Variants in CX3CL1 observed in about 807,000 individuals in gnomAD.
CX3CL1 encodes the protein fractalkine.
Under a neutral mutation model 14.1 loss-of-function variants are expected in CX3CL1, and 1 was observed. That is an observed-to-expected ratio of 0.07 (90% CI 0.03 to 0.34). CX3CL1 has a LOEUF of 0.34. Ranked by LOEUF, CX3CL1 falls within the 10% of genes least tolerant of loss-of-function variation. The pLI is 0.99. For synonymous variants in CX3CL1, 255 were observed against 229.6 expected (o/e 1.11, Z -1.00); for missense variants, 505 against 536.4 (o/e 0.94, Z 0.58).
rs770591232 is a variant in CX3CL1 at position 57,379,700 on chromosome 16, C to A, written c.137C>A (p.Ala46Asp). 6.2e-7 allele frequency: 1 copy of A among 1,614,230 alleles called. No individual in the cohort carries two copies. Among genetic ancestry groups the A allele is most frequent in the South Asian group, 1.1e-5 (1 of 91,092 alleles). ...AAGATGACATCAAAGATACCTGTAG[C>A]TTTGCTCATCCACTATCAACAGAAC... Reference protein sequence around the residue: ...CSKMTSKIPVALLIHYQQNQA... With the variant: ...CSKMTSKIPVDLLIHYQQNQA... The change falls in exon 2 of 3, where the codon GCT becomes GAT. Residue 46 changes from alanine (A) to aspartate (D), a missense_variant. Physicochemically the swap from Ala to Asp is moderately radical, Grantham distance 126. Transcript: ENST00000006053.
intron 1 of CX3CL1, among the ~76,000 whole-genome samples, chr16:57,372,905 G>A (rs544619079): frequency 6.6e-6 from 1 of 152,322 alleles, no homozygotes; most frequent in East Asian, 1.9e-4. Context: ...GGTGGTGTGG[G>A]TGGCATAAGG....
At chr16:57,375,481 G>C (rs1186552910) in intron 1 of CX3CL1, among the ~76,000 whole-genome samples, 1 of 152,222 alleles carries the variant, frequency 6.6e-6, no homozygotes, top group Non-Finnish European at 1.5e-5. Flanking sequence ...CCAAAACAAA[G>C]AATTGTCTGG....
rs368015205 is a variant in CX3CL1 at position 57,382,502 on chromosome 16, C to G, written c.664C>G (p.Gln222Glu). 2.0e-5 allele frequency: 33 copies of G among 1,613,138 alleles called. No individual in the cohort carries two copies. The highest frequency in any genetic ancestry group is 2.7e-5 in the Non-Finnish European group (32 of 1,179,828). ...EAKTSEAPST[Q>E]DPSTQASTAS... ...AAAGACCTCTGAGGCCCCGTCCACC[C>G]AGGACCCCTCCACCCAGGCCTCCAC... The change falls in exon 3 of 3, where the codon CAG (glutamine) becomes GAG (glutamate). Residue 222 changes from glutamine (Q) to glutamate (E), a missense_variant. Coordinates refer to ENST00000006053, the MANE Select transcript of CX3CL1 (RefSeq NM_002996.6). This position sits in a 1 kb window ranked among gnomAD's most constrained non-coding sequence, Gnocchi z 6.9.
In CX3CL1 at chr16:57,383,243, C is replaced by A. The variant is rs1192290388; in HGVS notation, c.*211C>A. 5 of 417,416 alleles carry A rather than the reference C, an allele frequency of 1.2e-5. No homozygotes were observed. The highest frequency in any genetic ancestry group is 1.0e-4 in the African/African-American group (5 of 49,012). The allele number at this position is 417,416 out of a possible 1,614,324, so 25.9% of individuals were successfully genotyped here. On this transcript the variant is annotated 3_prime_UTR_variant, in exon 3 of 3. Transcript: ENST00000006053. ...ACCTGCCAGGGACAGAGGGGGTGGC[C>A]TCCCAACTCACCCCAGCCCCAAAAC...
In CX3CL1 at chr16:57,383,140, G is replaced by C. The variant is rs568755559; in HGVS notation, c.*108G>C. 4.1e-5 allele frequency: 44 copies of C among 1,064,894 alleles called. No individual in the cohort carries two copies. Among genetic ancestry groups the C allele is most frequent in the Admixed American group, 9.2e-5 (3 of 32,604 alleles). The allele number at this position is 1,064,894 out of a possible 1,614,324, so 66.0% of individuals were successfully genotyped here. A position where few individuals can be genotyped will look rare whatever the true frequency, so the allele number is the denominator to read the frequency against. The stretch of plus-strand genomic sequence containing the variant: ...CTGGCCTGAGCTGGGATGATTGGAG[G>C]GGGGAGGTGGGATCCTCCAGGTGCA... On this transcript the variant is annotated 3_prime_UTR_variant, in exon 3 of 3. Coordinates refer to ENST00000006053, the MANE Select transcript of CX3CL1 (RefSeq NM_002996.6).
At chr16:57,373,056 C>T (rs1902201315) in intron 1 of CX3CL1, among the ~76,000 whole-genome samples, 1 of 152,180 alleles carries the variant, frequency 6.6e-6, no homozygotes, top group African/African-American at 2.4e-5. Flanking sequence ...AGCCCTGGCC[C>T]TGGGCCAGGC....
Position 57,382,817 on chromosome 16 carries a change from C to A in CX3CL1, c.979C>A (p.Leu327Ile). 1 of 1,590,602 alleles carries A rather than the reference C, an allele frequency of 6.3e-7. No individual in the cohort carries two copies. Among genetic ancestry groups the A allele is most frequent in the Non-Finnish European group, 8.6e-7 (1 of 1,165,710 alleles). ...CATGGACCCCCAGAGGCTGGGCGTC[C>A]TTATCACTCCTGTCCCTGACGCCCA... ...ATMDPQRLGV[L>I]ITPVPDAQAA... The change falls in exon 3 of 3, where the codon CTT becomes ATT. Residue 327 changes from leucine to isoleucine, a missense_variant. Leu to Ile is a conservative substitution (Grantham distance 5). Transcript: ENST00000006053. The surrounding 1 kb of genome is among the most constrained non-coding windows in gnomAD (Gnocchi z 6.9).
chr16:57,376,867 A>G (rs1902254653), intron 1 of CX3CL1: 1 of 152,220 alleles, frequency 6.6e-6, no homozygotes, highest in South Asian at 2.1e-4. Context: ...ACCAAGACAG[A>G]CAAGGTCCCT....
intron 1 of CX3CL1, among the ~76,000 whole-genome samples, chr16:57,374,992 T>C (rs223872): frequency 0.062 from 9,371 of 151,942 alleles, 381 homozygotes; most frequent in Middle Eastern, 0.15. Context: ...AATATAAAAT[T>C]AGCTGGGTGT....
chr16:57,376,808 G>T (rs1902254074), intron 1 of CX3CL1, among the ~76,000 whole-genome samples: 1 of 152,162 alleles, frequency 6.6e-6, no homozygotes. Flanking sequence ...TTCATTCAAT[G>T]AATATTGATT....
rs1331335837 is a variant in CX3CL1 at position 57,382,458 on chromosome 16, C to A, written c.620C>A (p.Pro207His). The stretch of plus-strand genomic sequence containing the variant: ...AGTTCTGCTCCCCACCAACCTGGGC[C>A]CAGCCTCTGGGCTGAGGCAAAGACC... The part of the protein sequence containing the change: ...WQSSAPHQPG[P>H]SLWAEAKTSE... Residue 207 changes from proline (P) to histidine (H), a missense_variant, in exon 3 of 3, where the codon CCC becomes CAC. Transcript: ENST00000006053. This position sits in a 1 kb window ranked among gnomAD's most constrained non-coding sequence, Gnocchi z 6.9. 2 of 1,612,974 alleles carry A rather than the reference C, an allele frequency of 1.2e-6. No homozygotes were observed. Among genetic ancestry groups the A allele is most frequent in the Non-Finnish European group, 1.7e-6 (2 of 1,179,918 alleles).
rs1256360582 is a variant in CX3CL1 at position 57,382,844 on chromosome 16, G to T, written c.1006G>T (p.Ala336Ser). The T allele has an allele frequency of 7.1e-6, 11 of 1,559,746 alleles. No individual in the cohort carries two copies. In the East Asian group the frequency reaches 2.0e-4, roughly 29 times the overall value. ...VLITPVPDAQ[A>S]ATRRQAVGLL... ...TATCACTCCTGTCCCTGACGCCCAGGCTGCCACCCGGAGGCAGGCGGTGGG... is the reference window on the plus strand; with the variant it reads ...TATCACTCCTGTCCCTGACGCCCAGTCTGCCACCCGGAGGCAGGCGGTGGG... Residue 336 changes from alanine to serine, a missense_variant, in exon 3 of 3, where the codon GCT becomes TCT. Ala to Ser is a moderately conservative substitution (Grantham distance 99). Coordinates refer to ENST00000006053, the MANE Select transcript of CX3CL1 (RefSeq NM_002996.6). The surrounding 1 kb of genome is among the most constrained non-coding windows in gnomAD (Gnocchi z 6.9).
chr16:57,383,015 G>T lies in CX3CL1; in HGVS notation c.1177G>T (p.Val393Phe), dbSNP rs1902356884. 1 of 1,492,292 alleles carries T rather than the reference G, an allele frequency of 6.7e-7. No homozygotes were observed. Among genetic ancestry groups the T allele is most frequent in the South Asian group, 1.4e-5 (1 of 71,008 alleles). 92.4% of individuals were successfully genotyped at this position (1,492,292 alleles called of 1,614,324 possible). A position where few individuals can be genotyped will look rare whatever the true frequency, so the allele number is the denominator to read the frequency against. Residue 393 changes from valine to phenylalanine, a missense_variant, in exon 3 of 3, where the codon GTC (valine) becomes TTC (phenylalanine). Coordinates refer to ENST00000006053, the MANE Select transcript of CX3CL1 (RefSeq NM_002996.6). ...CCGGAGCTGTGGTAGTAATTCATAT[G>T]TCCTGGTGCCCGTGTGAACTCCTCT... The part of the protein sequence containing the change: ...IPRSCGSNSY[V>F]LVPV
chr16:57,381,927 G>A lies in CX3CL1; in HGVS notation c.192-103G>A, dbSNP rs72786892. On this transcript the variant is annotated intron_variant, in intron 2 of 2. Transcript: ENST00000006053. ...AAGTGGGAGGACAGGGTTTCCAGCC[G>A]GGTGTGTTCACCTGCAGAGTATTGG... 7.5e-3 allele frequency: 9,648 copies of A among 1,279,622 alleles called. 51 individuals are homozygous for A. The highest frequency in any genetic ancestry group is 8.7e-3 in the Non-Finnish European group (8,226 of 943,404). 79.3% of individuals were successfully genotyped at this position (1,279,622 alleles called of 1,614,324 possible).
intron 1 of CX3CL1, among the ~76,000 whole-genome samples, chr16:57,374,700 G>A (rs556463566): frequency 6.6e-6 from 1 of 152,332 alleles, no homozygotes; most frequent in Admixed American, 6.5e-5. Context: ...CCTGGTTCTA[G>A]GTACTGGGGC....
chr16:57,383,283 G>A lies in CX3CL1; in HGVS notation c.*251G>A. ...AGCCCCAAAACTCTCCTCTGCTGCTGGCTGGTTAGAGGTTCCCTTTGACGC... is the reference window on the plus strand; with the variant it reads ...AGCCCCAAAACTCTCCTCTGCTGCTAGCTGGTTAGAGGTTCCCTTTGACGC... On this transcript the variant is annotated 3_prime_UTR_variant, in exon 3 of 3. Transcript: ENST00000006053. 5.3e-6 allele frequency: 2 copies of A among 374,764 alleles called. No homozygotes were observed. Among genetic ancestry groups the A allele is most frequent in the East Asian group, 7.8e-5 (2 of 25,662 alleles). The allele number at this position is 374,764 out of a possible 1,614,324, so 23.2% of individuals were successfully genotyped here.
At chr16:57,378,345 G>T (rs1337674059) in intron 1 of CX3CL1, 1 of 152,078 alleles carries the variant, frequency 6.6e-6, no homozygotes, top group Non-Finnish European at 1.5e-5. Flanking sequence ...TGCGGTCGGG[G>T]TTCAAGACCA....
chr16:57,380,057 C>T (rs1192754734), intron 2 of CX3CL1, among the ~76,000 whole-genome samples: 1 of 152,140 alleles, frequency 6.6e-6, no homozygotes, highest in East Asian at 1.9e-4. Context: ...CACATGTTAC[C>T]CCACACTCGA....
rs1426533102 is a variant in CX3CL1 at position 57,384,551 on chromosome 16, CTT to C, written c.*1520_*1521del. On this transcript the variant is annotated 3_prime_UTR_variant, in exon 3 of 3. Coordinates refer to ENST00000006053, the MANE Select transcript of CX3CL1 (RefSeq NM_002996.6). ...CCCTTGCCGTCTACCTGAGGGGCCT[CTT>C]ATGGGCTGGGTTCTACCCAGGTGCT... 1.3e-5 allele frequency: 2 copies of C among 152,360 alleles called. No individual in the cohort carries two copies. The highest frequency in any genetic ancestry group is 4.8e-5 in the African/African-American group (2 of 41,450). The allele number at this position is 152,360 out of a possible 1,614,324, so 9.4% of individuals were successfully genotyped here.
Sources: gnomAD v4.1 joint callset for allele counts (sites outside exome capture counted in the v4.1 genomes callset) on GRCh38, gnomAD v4.1.1 for gene constraint, Gnocchi (gnomAD v3.1) non-coding constraint, MANE v1.5 for transcripts, NCBI Gene and HGNC (gene_info 2026-07-23, HGNC 2026-07-21) for gene names.